Variants in ITIH2 observed in about 807,000 individuals in gnomAD.
The protein encoded by ITIH2 is inter-alpha-trypsin inhibitor heavy chain 2.
In ITIH2, 103 loss-of-function variants were observed where a neutral mutation model predicts 104.4. The ratio of observed to expected loss-of-function variants is 0.99; its 90% confidence interval spans 0.84 to 1.16. ITIH2 has a LOEUF of 1.16. ITIH2 is among the 50% of genes most tolerant of loss of function. The probability of loss-of-function intolerance (pLI) is 0.00; values close to 1 mark genes in which losing one functional copy is unlikely to be tolerated. For missense variants in ITIH2, 1,108 were observed against 1,162.4 expected, an observed-to-expected ratio of 0.95 and a Z score of 0.68; for synonymous variants, 436 against 435.4, an observed-to-expected ratio of 1.00 and a Z score of -0.02.
In ITIH2 at chr10:7,737,632, TATTCTATAGA is replaced by T. The variant is rs1362998607; in HGVS notation, c.1958-986_1958-977del. Among the ~76,000 whole-genome samples, 317 of 107,382 alleles carry T rather than the reference TATTCTATAGA, an allele frequency of 3.0e-3. 2 individuals are homozygous for T. The highest frequency in any genetic ancestry group is 4.3e-3 in the South Asian group (15 of 3,472). The allele number at this position is 107,382 out of a possible 152,430, so 70.4% of individuals were successfully genotyped here. ...ATAGAATATTCTATATTATATTCTA[TATTCTATAGA>T]ATATTCTATATTATATTCTATATTA... On this transcript the variant is annotated intron_variant, in intron 15 of 20. Transcript: ENST00000358415.
rs1835038241 is a variant in ITIH2, at chr10:7,734,913, T to C, written c.1788-9T>C. On this transcript the variant is annotated splice_polypyrimidine_tract_variant and intron_variant, in intron 14 of 20. Transcript: ENST00000358415. Reference sequence around the variant, plus strand: ...CATGCTCCATAACACCTCTACTTCTTGAATACAGAAGCCTGGCTCCTACAG... The same window carrying C: ...CATGCTCCATAACACCTCTACTTCTCGAATACAGAAGCCTGGCTCCTACAG... 1.0e-5 allele frequency: 16 copies of C among 1,607,222 alleles called. No homozygotes were observed. Among genetic ancestry groups the C allele is most frequent in the African/African-American group, 2.7e-5 (2 of 74,978 alleles).
intron 12 of ITIH2, 127 bp downstream of exon 12, chr10:7,730,260 C>A: frequency 2.8e-6 from 2 of 713,342 alleles, no homozygotes; most frequent in South Asian, 2.2e-5. Context: ...TATTTGGTTG[C>A]AAGGATCAGG....
intron 16 of ITIH2, among the ~76,000 whole-genome samples, chr10:7,741,304 G>C (rs1835121965): frequency 6.6e-6 from 1 of 150,902 alleles, no homozygotes; most frequent in Non-Finnish European, 1.5e-5. Context: ...TCAGGCTCCA[G>C]AGTAGCTGGG....
rs752724249 is a variant in ITIH2, at chr10:7,705,209, G to A, written c.159+27G>A. On this transcript the variant is annotated intron_variant, in intron 2 of 20. Transcript: ENST00000358415. ...TATAGTAAGGTTTACTCCCAAAAGG[G>A]GGAAAAAAAGTGAAAGAGATTATGG... 13 of 1,445,460 alleles carry A rather than the reference G, an allele frequency of 9.0e-6. No homozygotes were observed. The South Asian group carries it at 1.1e-4, about 12-fold the overall frequency. 89.5% of individuals were successfully genotyped at this position (1,445,460 alleles called of 1,614,324 possible). A position where few individuals can be genotyped will look rare whatever the true frequency, so the allele number is the denominator to read the frequency against.
At chr10:7,736,710 C>A (rs971527305) in intron 15 of ITIH2, among the ~76,000 whole-genome samples, 11 of 152,078 alleles carry the variant, frequency 7.2e-5, no homozygotes, top group African/African-American at 2.7e-4. Context: ...TAATCTCTTA[C>A]TGGGAAAAAT....
chr10:7,709,251 C>T (rs1834774628), intron 4 of ITIH2, 60 bp downstream of exon 4: 1 of 1,483,726 alleles, frequency 6.7e-7, no homozygotes, highest in Non-Finnish European at 9.4e-7. Flanking sequence ...AATCAAAACC[C>T]CTCATAGTTA....
chr10:7,719,412 G>A (rs1190454487), intron 6 of ITIH2, among the ~76,000 whole-genome samples: 1 of 152,178 alleles, frequency 6.6e-6, no homozygotes, highest in Non-Finnish European at 1.5e-5. Context: ...TGATGGATGA[G>A]TGTCAGTAAC....
At chr10:7,725,182 T>TA (rs1046577683) in intron 9 of ITIH2, among the ~76,000 whole-genome samples, 1 of 152,156 alleles carries the variant, frequency 6.6e-6, no homozygotes, top group Non-Finnish European at 1.5e-5. Context: ...AAAGTTTTTT[T>TA]AAAAAATAAA....
chr10:7,734,441 TC>T (rs1196160937), intron 14 of ITIH2, among the ~76,000 whole-genome samples: 1 of 152,228 alleles, frequency 6.6e-6, no homozygotes, highest in African/African-American at 2.4e-5. Flanking sequence ...ATGCCTGTAA[TC>T]CCAGCACTTT....
intron 15 of ITIH2, among the ~76,000 whole-genome samples, chr10:7,736,973 T>C (rs1477034038): frequency 6.6e-6 from 1 of 152,132 alleles, no homozygotes; most frequent in Non-Finnish European, 1.5e-5. Flanking sequence ...GTATAATTTA[T>C]CAGCTGACAA....
At chr10:7,742,353 T>C (rs1367624060) in intron 16 of ITIH2, among the ~76,000 whole-genome samples, 3 of 152,204 alleles carry the variant, frequency 2.0e-5, no homozygotes, top group Non-Finnish European at 4.4e-5. Flanking sequence ...AGCTTGATTC[T>C]TCATTGCTTT....
chr10:7,726,665 A>G (rs1289151799), intron 9 of ITIH2, among the ~76,000 whole-genome samples: 3 of 152,236 alleles, frequency 2.0e-5, no homozygotes, highest in Non-Finnish European at 4.4e-5. Context: ...ATTTTCAGGC[A>G]TCATAAAGGT....
At chr10:7,714,332 C>T (rs1834826718) in intron 5 of ITIH2, among the ~76,000 whole-genome samples, 1 of 152,066 alleles carries the variant, frequency 6.6e-6, no homozygotes, top group Admixed American at 6.6e-5. Flanking sequence ...TCACCATGCC[C>T]GGCTAATTTT....
rs1441318046 is a variant in ITIH2, at chr10:7,738,662, C to T, written c.1999C>T (p.Pro667Ser). The T allele has an allele frequency of 6.2e-7, 1 of 1,613,838 alleles. No individual in the cohort carries two copies. The highest frequency in any genetic ancestry group is 1.3e-5 in the African/African-American group (1 of 74,902). ...CAGCAAAGTGGTTCCAGATTCCACC[C>T]CGTCTTGGGCCAATCCTTCACCAAC... ...YGSKVVPDST[P>S]SWANPSPTPV... The change falls in exon 16 of 21, where the codon CCG (proline) becomes TCG (serine). Residue 667 changes from proline (P) to serine (S), a missense_variant. Coordinates refer to ENST00000358415, the MANE Select transcript of ITIH2 (RefSeq NM_002216.3).
chr10:7,735,774 G>GC (rs1835050221), intron 15 of ITIH2, among the ~76,000 whole-genome samples: 1 of 150,320 alleles, frequency 6.7e-6, no homozygotes, highest in Non-Finnish European at 1.5e-5. Context: ...CCAGGTTCAA[G>GC]CAATTCTCCT....
At chr10:7,741,072 C>A (rs1372740821) in intron 16 of ITIH2, among the ~76,000 whole-genome samples, 1 of 151,908 alleles carries the variant, frequency 6.6e-6, no homozygotes, top group East Asian at 1.9e-4. Flanking sequence ...ATGGCAAAAC[C>A]AATCGTTGTC....
chr10:7,743,081 A>C, intron 16 of ITIH2, 65 bp from the exon 17 acceptor site: 1 of 780,218 alleles, frequency 1.3e-6, no homozygotes, highest in Non-Finnish European at 2.2e-6. Context: ...TTCAGGAATG[A>C]CATAGTGCTC....
Position 7,717,611 on chromosome 10 carries a change from G to A in ITIH2, c.468-15G>A. 1 of 1,607,892 alleles carries A rather than the reference G, an allele frequency of 6.2e-7. No homozygotes were observed. Among genetic ancestry groups the A allele is most frequent in the Non-Finnish European group, 8.5e-7 (1 of 1,174,958 alleles). On this transcript the variant is annotated splice_polypyrimidine_tract_variant and intron_variant, in intron 5 of 20. Coordinates refer to ENST00000358415, the MANE Select transcript of ITIH2 (RefSeq NM_002216.3). ...CATGTATCTGTTGACTTTTGTTGGGGGCTTTCACCTTTAGGAGCAGCGCTC... is the reference window on the plus strand; with the variant it reads ...CATGTATCTGTTGACTTTTGTTGGGAGCTTTCACCTTTAGGAGCAGCGCTC...
chr10:7,707,008 C>T (rs923153459), intron 2 of ITIH2, among the ~76,000 whole-genome samples, 193 bp from the exon 3 acceptor site: 8 of 152,162 alleles, frequency 5.3e-5, no homozygotes, highest in African/African-American at 1.9e-4. Flanking sequence ...GGTTGAGAAA[C>T]TTATTGAGAA....
Sources: gnomAD v4.1 joint callset for allele counts (sites outside exome capture counted in the v4.1 genomes callset) on GRCh38, gnomAD v4.1.1 for gene constraint, MANE v1.5 for transcripts, NCBI Gene and HGNC (gene_info 2026-07-23, HGNC 2026-07-21) for gene names.